TRAPPC9: variants seen among roughly 807,000 people sequenced by gnomAD.
TRAPPC9 encodes the protein IKK2 binding protein.
A neutral mutation model predicts 124.0 loss-of-function variants in TRAPPC9; 83 were observed. The observed-to-expected ratio is 0.67, with a 90% confidence interval of 0.56 to 0.80. TRAPPC9 has a LOEUF of 0.80. Among genes scored for constraint, TRAPPC9 ranks in the 30% least tolerant of loss-of-function variants. The pLI is 0.00. For missense variants in TRAPPC9, 1,302 were observed against 1,508.3 expected (o/e 0.86, Z 2.27); for synonymous variants, 638 against 617.5 (o/e 1.03, Z -0.49).
intron 15 of TRAPPC9, among the ~76,000 whole-genome samples, chr8:140,269,925 T>C (rs992313129): frequency 1.3e-5 from 2 of 151,808 alleles, no homozygotes; most frequent in Non-Finnish European, 2.9e-5. Context: ...TTGGTGAAAG[T>C]ACATCTCTAC....
intron 15 of TRAPPC9, among the ~76,000 whole-genome samples, chr8:140,255,158 CAG>C (rs1295339020): frequency 5.3e-5 from 8 of 152,222 alleles, no homozygotes; most frequent in Non-Finnish European, 1.2e-4. Context: ...GATACTAACA[CAG>C]AGAGACAGAT....
At chr8:139,963,983 G>A (rs1835525297) in intron 19 of TRAPPC9, among the ~76,000 whole-genome samples, 1 of 152,090 alleles carries the variant, frequency 6.6e-6, no homozygotes, top group South Asian at 2.1e-4. Flanking sequence ...CCAGCACTTT[G>A]GGAGGCCGAG....
intron 9 of TRAPPC9, among the ~76,000 whole-genome samples, chr8:140,332,306 G>A (rs1252769744): frequency 6.6e-6 from 1 of 152,214 alleles, no homozygotes; most frequent in Non-Finnish European, 1.5e-5. Context: ...AGAGAGTAGA[G>A]GCTGGGAAGG....
In TRAPPC9 at chr8:140,211,648, G is replaced by A. The variant is rs140347981; in HGVS notation, c.2556+9811C>T. Reference sequence around the variant, plus strand: ...GCTAAAGTAACGTATTTTACATGACGTATCTGAATGTTGTTAGAATCCCAA... The same window carrying A: ...GCTAAAGTAACGTATTTTACATGACATATCTGAATGTTGTTAGAATCCCAA... On this transcript the variant is annotated intron_variant, in intron 17 of 22. Transcript: ENST00000438773. Among the ~76,000 whole-genome samples, 36 of 152,286 alleles carry A rather than the reference G, an allele frequency of 2.4e-4. 1 individual carries two copies. The East Asian group carries it at 4.6e-3, about 20-fold the overall frequency.
At chr8:139,933,335 A>T (rs1833314592) in intron 19 of TRAPPC9, 1 of 152,284 alleles carries the variant, frequency 6.6e-6, no homozygotes, top group Non-Finnish European at 1.5e-5. Flanking sequence ...AAACTACATT[A>T]TACGCAGTGC....
chr8:139,998,270 T>C (rs1034214381), intron 18 of TRAPPC9, among the ~76,000 whole-genome samples: 13 of 152,220 alleles, frequency 8.5e-5, no homozygotes, highest in Non-Finnish European at 1.5e-5. Context: ...ATTAAGAATC[T>C]CAGTCATCAG....
chr8:140,395,279 C>T (rs986198416), intron 7 of TRAPPC9, among the ~76,000 whole-genome samples: 2 of 152,188 alleles, frequency 1.3e-5, no homozygotes, highest in Non-Finnish European at 2.9e-5. Context: ...TGGTCGCTCC[C>T]TTTGGTGTGA....
At position 140,428,416 on chromosome 8, in the gene TRAPPC9, G is replaced by A. The variant is rs117113073; in HGVS notation, c.860-1775C>T. 8.8e-3 allele frequency among the ~76,000 whole-genome samples: 1,337 copies of A among 152,314 alleles called. 12 individuals carry two copies. Among genetic ancestry groups the A allele is most frequent in the Non-Finnish European group, 0.015 (988 of 68,020 alleles). ...TCTTCAAAGGCCAAATCACAGGCAG[G>A]AGATAAGTAGAAATCAGGTCCATAC... On this transcript the variant is annotated intron_variant, in intron 4 of 22. Transcript: ENST00000438773.
At chr8:139,803,651 C>G (rs1334378820) in intron 21 of TRAPPC9, among the ~76,000 whole-genome samples, 1 of 152,252 alleles carries the variant, frequency 6.6e-6, no homozygotes, top group Non-Finnish European at 1.5e-5. Context: ...TGTTCACTTC[C>G]TTCCCAGTTT....
chr8:139,856,461 C>T (rs960936412), intron 21 of TRAPPC9, among the ~76,000 whole-genome samples: 1 of 152,140 alleles, frequency 6.6e-6, no homozygotes, highest in Non-Finnish European at 1.5e-5. Flanking sequence ...GGAGACTTGG[C>T]CTTGGGAAGC....
intron 20 of TRAPPC9, among the ~76,000 whole-genome samples, chr8:139,901,627 G>A (rs1277848486): frequency 6.6e-6 from 1 of 152,204 alleles, no homozygotes; most frequent in African/African-American, 2.4e-5. Flanking sequence ...CTCTGCATGG[G>A]GCGATGGGTA....
intron 19 of TRAPPC9, among the ~76,000 whole-genome samples, chr8:139,949,818 C>T (rs1332258913): frequency 6.6e-5 from 10 of 152,128 alleles, no homozygotes; most frequent in Non-Finnish European, 1.3e-4. Context: ...GTTCTAAAAT[C>T]AATCATGGTA....
intron 18 of TRAPPC9, among the ~76,000 whole-genome samples, chr8:140,006,888 G>A (rs1838794929): frequency 6.6e-6 from 1 of 152,176 alleles, no homozygotes; most frequent in African/African-American, 2.4e-5. Context: ...AGGATGAAAA[G>A]TTCTAAAATC....
chr8:140,391,604 C>A, intron 7 of TRAPPC9, among the ~76,000 whole-genome samples: 1 of 150,504 alleles, frequency 6.6e-6, no homozygotes, highest in South Asian at 2.1e-4. Context: ...CTCAGCTACT[C>A]AGGAGGCTGA....
At chr8:140,235,813 C>CA (rs2131398630) in intron 16 of TRAPPC9, among the ~76,000 whole-genome samples, 2 of 152,306 alleles carry the variant, frequency 1.3e-5, no homozygotes, top group African/African-American at 4.8e-5. Context: ...CAGCATCATT[C>CA]ATAACAGCCC....
At chr8:140,458,160 G>A, upstream of TRAPPC9, 1 of 1,523,438 alleles carries the variant, frequency 6.6e-7, no homozygotes, top group South Asian at 1.2e-5. Flanking sequence ...GAGGGAGATG[G>A]AGGGAGATGG....
At chr8:140,095,718 G>A (rs1183766529) in intron 17 of TRAPPC9, 1 of 152,280 alleles carries the variant, frequency 6.6e-6, no homozygotes, top group Non-Finnish European at 1.5e-5. Flanking sequence ...GAGGGACTGA[G>A]AAGAGGGTCT....
At chr8:140,130,258 TA>T (rs34870429) in intron 17 of TRAPPC9, among the ~76,000 whole-genome samples, 24,902 of 152,220 alleles carry the variant, frequency 0.16, 2,541 homozygotes, top group Admixed American at 0.25. Context: ...ACAGGATCTT[TA>T]CATCACTTTA....
intron 9 of TRAPPC9, among the ~76,000 whole-genome samples, chr8:140,359,461 G>A (rs545765843): frequency 1.9e-4 from 29 of 152,294 alleles, no homozygotes; most frequent in African/African-American, 5.5e-4. Context: ...AAAGGAGCCC[G>A]GGAGAAAGGC....
Sources: gnomAD v4.1 joint callset for allele counts (sites outside exome capture counted in the v4.1 genomes callset) on GRCh38, gnomAD v4.1.1 for gene constraint, MANE v1.5 for transcripts, NCBI Gene and HGNC (gene_info 2026-07-23, HGNC 2026-07-21) for gene names.